Variants in NBAS observed in about 807,000 individuals in gnomAD.
The protein encoded by NBAS is NAG/BC035112 fusion.
A neutral mutation model predicts 302.5 loss-of-function variants in NBAS; 219 were observed. The observed-to-expected ratio is 0.72, with a 90% confidence interval of 0.65 to 0.81. The LOEUF (loss-of-function observed/expected upper bound fraction) is 0.81. NBAS is among the 30% of genes least tolerant of loss of function. NBAS has a pLI of 0.00. For synonymous variants in NBAS, 1,118 were observed against 1,021.6 expected (o/e 1.09, Z -1.80); for missense variants, 2,932 against 2,841.6 (o/e 1.03, Z -0.72).
chr2:14,906,560 C>T, the NBAS span, among the ~76,000 whole-genome samples: 2 of 152,272 alleles, frequency 1.3e-5, no homozygotes, highest in South Asian at 4.1e-4. Flanking sequence ...CCTACCCAGG[C>T]CGCCTTGCTC....
chr2:15,250,654 T>C (rs951356885), intron 44 of NBAS, among the ~76,000 whole-genome samples: 11 of 152,172 alleles, frequency 7.2e-5, no homozygotes, highest in African/African-American at 2.4e-4. Flanking sequence ...GCAAAGGATA[T>C]GAACAGACAC....
At chr2:14,825,661 C>T in the NBAS span, among the ~76,000 whole-genome samples, 1 of 152,116 alleles carries the variant, frequency 6.6e-6, no homozygotes, top group East Asian at 1.9e-4. Flanking sequence ...AAAAATGGTC[C>T]CTGTATTCCA....
chr2:14,933,726 G>A, the NBAS span, among the ~76,000 whole-genome samples: 4 of 152,264 alleles, frequency 2.6e-5, no homozygotes, highest in South Asian at 2.1e-4. Context: ...ATGATGATAC[G>A]TGAGCTGTTT....
intron 14 of NBAS, among the ~76,000 whole-genome samples, 182 bp from the exon 15 acceptor site, chr2:15,474,506 T>C (rs1680103210): frequency 6.6e-6 from 1 of 152,140 alleles, no homozygotes; most frequent in Non-Finnish European, 1.5e-5. Flanking sequence ...ATCAGAAATA[T>C]GCACATACAT....
the NBAS span, among the ~76,000 whole-genome samples, chr2:15,102,189 C>T: frequency 5.9e-5 from 9 of 152,190 alleles, no homozygotes; most frequent in Non-Finnish European, 8.8e-5. Flanking sequence ...CTGAGATGAG[C>T]TCAAAATCAT....
At position 15,474,055 on chromosome 2, in the gene NBAS, C is replaced by T; in HGVS notation, c.1599+12G>A. The stretch of plus-strand genomic sequence containing the variant: ...GACTTCAAACTTGGGTAGTAATATG[C>T]TACTCTCTCACCTTCCTCTGATAAA... On this transcript the variant is annotated intron_variant, in intron 15 of 51. Transcript: ENST00000281513. 1 of 1,614,042 alleles carries T rather than the reference C, an allele frequency of 6.2e-7. No individual in the cohort carries two copies. Among genetic ancestry groups the T allele is most frequent in the Non-Finnish European group, 8.5e-7 (1 of 1,180,008 alleles).
intron 50 of NBAS, among the ~76,000 whole-genome samples, chr2:15,180,718 G>A (rs1664779630): frequency 6.6e-6 from 1 of 152,224 alleles, no homozygotes; most frequent in Middle Eastern, 3.2e-3. Context: ...TACATTTGAG[G>A]TGGGGCTAGT....
At chr2:15,248,161 G>A (rs573572942) in intron 44 of NBAS, among the ~76,000 whole-genome samples, 50 of 152,174 alleles carry the variant, frequency 3.3e-4, no homozygotes, top group African/African-American at 8.9e-4. Flanking sequence ...ACTCAAAACC[G>A]CGCAACTACA....
At chr2:15,371,743 C>T (rs537406200) in intron 31 of NBAS, among the ~76,000 whole-genome samples, 1 of 151,772 alleles carries the variant, frequency 6.6e-6, no homozygotes, top group Non-Finnish European at 1.5e-5. Context: ...GGGTAAGTGC[C>T]TAAATTTATG....
intron 6 of NBAS, among the ~76,000 whole-genome samples, chr2:15,550,591 C>T (rs369558177): frequency 2.8e-5 from 4 of 144,264 alleles, no homozygotes; most frequent in Non-Finnish European, 6.0e-5. Flanking sequence ...TCTGTCTTTT[C>T]TTTTTTTTTT....
At chr2:14,813,098 C>T in the NBAS span, among the ~76,000 whole-genome samples, 1 of 152,188 alleles carries the variant, frequency 6.6e-6, no homozygotes, top group Non-Finnish European at 1.5e-5. Context: ...GACTACAGAA[C>T]TGTGAGTCAA....
At chr2:15,165,778 CAGAA>C (rs1664003819), downstream of NBAS, among the ~76,000 whole-genome samples, 1 of 152,174 alleles carries the variant, frequency 6.6e-6, no homozygotes, top group South Asian at 2.1e-4. Flanking sequence ...CAGAGCAATG[CAGAA>C]ATTGATCCAA....
chr2:15,163,006 G>C (rs1663931414), downstream of NBAS, among the ~76,000 whole-genome samples: 1 of 152,170 alleles, frequency 6.6e-6, no homozygotes, highest in Admixed American at 6.5e-5. Flanking sequence ...CAGTTCTCAA[G>C]GTGAGGGGAA....
At chr2:14,924,384 C>G in the NBAS span, among the ~76,000 whole-genome samples, 1 of 152,178 alleles carries the variant, frequency 6.6e-6, no homozygotes, top group Admixed American at 6.5e-5. Flanking sequence ...GTTTTATATT[C>G]CTTCTTCTAC....
At chr2:15,095,136 T>C in the NBAS span, among the ~76,000 whole-genome samples, 1 of 152,198 alleles carries the variant, frequency 6.6e-6, no homozygotes, top group Non-Finnish European at 1.5e-5. Context: ...TGCTTATTTT[T>C]ATTAAAGAAC....
chr2:15,406,103 T>TAAAAAAAAAAAAAAAA (rs71400653), intron 25 of NBAS, among the ~76,000 whole-genome samples: 6 of 115,052 alleles, frequency 5.2e-5, no homozygotes, highest in Admixed American at 8.7e-5. Context: ...CAATAACATG[T>TAAAAAAAAAAAAAAAA]AAAAAAAAAA....
At chr2:15,406,959 C>T (rs1162157519) in intron 25 of NBAS, among the ~76,000 whole-genome samples, 1 of 152,126 alleles carries the variant, frequency 6.6e-6, no homozygotes, top group Admixed American at 6.6e-5. Flanking sequence ...TTAGAACAGT[C>T]CTACTAAAGA....
the NBAS span, among the ~76,000 whole-genome samples, chr2:15,151,017 C>A: frequency 3.3e-5 from 5 of 152,284 alleles, no homozygotes; most frequent in East Asian, 9.6e-4. Flanking sequence ...AAATTTATAA[C>A]CCTAATTCCG....
chr2:14,985,682 G>A, the NBAS span, among the ~76,000 whole-genome samples: 6 of 152,262 alleles, frequency 3.9e-5, no homozygotes, highest in African/African-American at 1.4e-4. Context: ...AATTGTAATT[G>A]TTGGTTTAAA....
Sources: allele counts gnomAD v4.1 joint callset (sites outside exome capture counted in the v4.1 genomes callset), GRCh38; gene constraint gnomAD v4.1.1; transcripts MANE v1.5; gene names NCBI Gene and HGNC (gene_info 2026-07-23, HGNC 2026-07-21).